Variants in NCAM2 observed in about 807,000 individuals in gnomAD.
NCAM2 encodes the protein neural cell adhesion molecule 2.
In NCAM2, 30 loss-of-function variants were observed where a neutral mutation model predicts 98.1. The ratio of observed to expected loss-of-function variants is 0.31; its 90% CI spans 0.23 to 0.41. The LOEUF (loss-of-function observed/expected upper bound fraction) is 0.41, where lower values mean the gene tolerates loss of function less well. NCAM2 is among the 10% of genes least tolerant of loss of function. The pLI is 1.00. For missense variants in NCAM2, 867 were observed against 1,005.8 expected (o/e 0.86, Z 1.87); for synonymous variants, 368 against 342.4 (o/e 1.07, Z -0.83).
At chr21:21,310,629 A>G (rs568155213) in intron 5 of NCAM2, among the ~76,000 whole-genome samples, 2 of 152,296 alleles carry the variant, frequency 1.3e-5, no homozygotes, top group Admixed American at 6.5e-5. Context: ...ACAAAACACA[A>G]TGACAATTTT....
At chr21:21,369,209 G>A (rs1460568139) in intron 8 of NCAM2, among the ~76,000 whole-genome samples, 1 of 151,700 alleles carries the variant, frequency 6.6e-6, no homozygotes, top group South Asian at 2.1e-4. Context: ...CAAAGAAATT[G>A]AATTATTCAA....
chr21:21,094,018 T>A (rs562203410), intron 1 of NCAM2, among the ~76,000 whole-genome samples: 1 of 152,066 alleles, frequency 6.6e-6, no homozygotes, highest in South Asian at 2.1e-4. Flanking sequence ...TAATTGCAAA[T>A]TTATATTTAT....
At chr21:21,317,423 G>A (rs2074253399) in intron 5 of NCAM2, among the ~76,000 whole-genome samples, 4 of 152,152 alleles carry the variant, frequency 2.6e-5, no homozygotes, top group Middle Eastern at 3.4e-3. Context: ...GCAAAAATGA[G>A]TACTACCAAC....
chr21:21,266,538 G>A (rs893591434), intron 1 of NCAM2, among the ~76,000 whole-genome samples: 7 of 152,080 alleles, frequency 4.6e-5, no homozygotes, highest in Non-Finnish European at 1.0e-4. Context: ...ATACTATGCA[G>A]CCATAAAAAA....
intron 1 of NCAM2, among the ~76,000 whole-genome samples, chr21:21,121,061 T>C (rs1331684964): frequency 6.6e-6 from 1 of 152,180 alleles, no homozygotes; most frequent in Non-Finnish European, 1.5e-5. Context: ...TGAGTTTATA[T>C]TGTTCTTTAT....
intron 12 of NCAM2, among the ~76,000 whole-genome samples, chr21:21,447,717 A>G (rs1021222743): frequency 6.6e-6 from 1 of 152,192 alleles, no homozygotes; most frequent in Non-Finnish European, 1.5e-5. Flanking sequence ...AAACAACCCC[A>G]TCAAAAAGTG....
chr21:21,358,078 T>A (rs1444349), intron 8 of NCAM2, among the ~76,000 whole-genome samples: 8,745 of 152,166 alleles, frequency 0.057, 294 homozygotes, highest in East Asian at 0.12. Context: ...GAATGTCTAT[T>A]CCCTTGAATT....
chr21:21,226,861 G>A (rs2147162092), intron 1 of NCAM2: 1 of 152,056 alleles, frequency 6.6e-6, no homozygotes, highest in Middle Eastern at 3.4e-3. Context: ...TTTAACATTA[G>A]AAAGCATATT....
At position 21,539,849 on chromosome 21, in the gene NCAM2, C is replaced by G. The variant is rs558542519; in HGVS notation, c.*1892C>G. ...TCCAACTGGTCTTTGACAGATTTGA[C>G]TGTTCATATTTAGTTTATGTTTGTC... On this transcript the variant is annotated 3_prime_UTR_variant, in exon 18 of 18. Coordinates refer to ENST00000400546, the MANE Select transcript of NCAM2 (RefSeq NM_004540.5). 6.6e-6 allele frequency: 1 copy of G among 152,080 alleles called. No homozygotes were observed. Among genetic ancestry groups the G allele is most frequent in the Non-Finnish European group, 1.5e-5 (1 of 68,020 alleles). The allele number at this position is 152,080 out of a possible 1,614,324, so 9.4% of individuals were successfully genotyped here.
At chr21:21,171,982 C>T (rs899070775) in intron 1 of NCAM2, among the ~76,000 whole-genome samples, 5 of 152,000 alleles carry the variant, frequency 3.3e-5, no homozygotes, top group Non-Finnish European at 7.4e-5. Flanking sequence ...TCACTGTAAG[C>T]AAAATAAATA....
chr21:21,522,191 C>T (rs959217198), intron 16 of NCAM2, among the ~76,000 whole-genome samples: 1 of 146,036 alleles, frequency 6.8e-6, no homozygotes, highest in Non-Finnish European at 1.5e-5. Context: ...TGAATGAATG[C>T]TATATATATG....
At chr21:21,238,163 G>A (rs1240849379) in intron 1 of NCAM2, among the ~76,000 whole-genome samples, 2 of 151,702 alleles carry the variant, frequency 1.3e-5, no homozygotes, top group South Asian at 4.2e-4. Flanking sequence ...TGTCATCTTG[G>A]CCAGGCTGGT....
chr21:21,464,351 C>T (rs1401518472), intron 12 of NCAM2, among the ~76,000 whole-genome samples: 5 of 152,224 alleles, frequency 3.3e-5, no homozygotes, highest in Non-Finnish European at 2.9e-5. Context: ...CTATTGCACT[C>T]TTTACCCTAA....
At chr21:21,322,664 G>GGT (rs776186096) in intron 5 of NCAM2, among the ~76,000 whole-genome samples, 3 of 152,116 alleles carry the variant, frequency 2.0e-5, no homozygotes, top group Non-Finnish European at 4.4e-5. Flanking sequence ...GGAATTAGTG[G>GGT]GTGCCGGTTA....
At chr21:21,071,870 CCTATCTAT>C (rs35549924) in intron 1 of NCAM2, among the ~76,000 whole-genome samples, 48,641 of 137,662 alleles carry the variant, frequency 0.35, 8,423 homozygotes, top group Non-Finnish European at 0.41. Flanking sequence ...GTCATGTCTG[CCTATCTAT>C]CTATCTATCT....
chr21:21,151,207 G>A (rs1453779448), intron 1 of NCAM2, among the ~76,000 whole-genome samples: 1 of 151,794 alleles, frequency 6.6e-6, no homozygotes, highest in Non-Finnish European at 1.5e-5. Context: ...GGAGGATTTA[G>A]TCATATTACA....
intron 1 of NCAM2, among the ~76,000 whole-genome samples, chr21:21,043,850 C>A (rs1406756217): frequency 9.9e-3 from 1,189 of 119,756 alleles, no homozygotes; most frequent in Non-Finnish European, 0.011. Context: ...GAGACTCCGT[C>A]AAAAAAAAAA....
In NCAM2 at chr21:21,264,430, A is replaced by G. The variant is rs557322940; in HGVS notation, c.56-16148A>G. On this transcript the variant is annotated intron_variant, in intron 1 of 17. Transcript: ENST00000400546. ...AATTAGTTCAACCCCAATAGAAAAC[A>G]GTCTGGAGATTTCTCAAAGAGCTAA... 2.0e-5 allele frequency among the ~76,000 whole-genome samples: 3 copies of G among 152,164 alleles called. No individual in the cohort carries two copies. In the South Asian group the frequency reaches 6.2e-4, roughly 32 times the overall value.
At chr21:21,335,303 C>CA (rs960083660) in intron 6 of NCAM2, among the ~76,000 whole-genome samples, 10 of 151,472 alleles carry the variant, frequency 6.6e-5, no homozygotes, top group South Asian at 2.1e-4. Context: ...TGTTTACATT[C>CA]AAAAAAAATT....
Sources: allele counts gnomAD v4.1 joint callset (sites outside exome capture counted in the v4.1 genomes callset), GRCh38; gene constraint gnomAD v4.1.1; transcripts MANE v1.5; gene names NCBI Gene and HGNC (gene_info 2026-07-23, HGNC 2026-07-21).